The following NBAS variants were observed in gnomAD, a reference collection of about 807,000 sequenced individuals.
NBAS encodes the protein NAG/BC035112 fusion.
A neutral mutation model predicts 302.5 loss-of-function variants in NBAS; 219 were observed. The ratio of observed to expected loss-of-function variants is 0.72; its 90% CI spans 0.65 to 0.81. NBAS has a LOEUF of 0.81. NBAS is among the 30% of genes least tolerant of loss of function. NBAS has a pLI of 0.00. For synonymous variants in NBAS, 1,118 were observed against 1,021.6 expected, an observed-to-expected ratio of 1.09 and a Z score of -1.80; for missense variants, 2,932 against 2,841.6, an observed-to-expected ratio of 1.03 and a Z score of -0.72.
the NBAS span, among the ~76,000 whole-genome samples, chr2:14,783,374 G>C: frequency 6.6e-6 from 1 of 151,422 alleles, no homozygotes; most frequent in Non-Finnish European, 1.5e-5. Flanking sequence ...CAATGTGCAG[G>C]TTAGTTACAT....
chr2:15,445,113 T>A (rs1678654911), intron 21 of NBAS, among the ~76,000 whole-genome samples: 1 of 151,704 alleles, frequency 6.6e-6, no homozygotes, highest in Non-Finnish European at 1.5e-5. Context: ...CTCAGGGATC[T>A]AGAACTAGAA....
At chr2:15,087,559 TA>T in the NBAS span, among the ~76,000 whole-genome samples, 1 of 152,114 alleles carries the variant, frequency 6.6e-6, no homozygotes, top group South Asian at 2.1e-4. Flanking sequence ...AGAAAAATAG[TA>T]AATGTTCTCA....
the NBAS span, among the ~76,000 whole-genome samples, chr2:15,102,977 G>GGAAGGAAGGAAGGAAGGA: frequency 1.0e-5 from 1 of 95,434 alleles, no homozygotes; most frequent in South Asian, 4.3e-4. Flanking sequence ...AGGCATTAAG[G>GGAAGGAAGGAAGGAAGGA]AGGAAGGAAG....
chr2:15,319,255 A>T (rs1300419946), intron 38 of NBAS, among the ~76,000 whole-genome samples: 1 of 152,186 alleles, frequency 6.6e-6, no homozygotes, highest in East Asian at 1.9e-4. Flanking sequence ...AGCAGTGTGT[A>T]GAGGGAACTT....
chr2:15,206,901 A>C (rs1666173096), intron 48 of NBAS, among the ~76,000 whole-genome samples: 1 of 152,120 alleles, frequency 6.6e-6, no homozygotes, highest in South Asian at 2.1e-4. Flanking sequence ...CTCATGGAGA[A>C]CCTCTACTAG....
In NBAS at chr2:15,519,892, T is replaced by C. The variant is rs569000242; in HGVS notation, c.747-8542A>G. 5.3e-5 allele frequency among the ~76,000 whole-genome samples: 8 copies of C among 152,348 alleles called. No individual in the cohort carries two copies. The South Asian group carries it at 1.4e-3, about 28-fold the overall frequency. On this transcript the variant is annotated intron_variant, in intron 9 of 51. Coordinates refer to ENST00000281513, the MANE Select transcript of NBAS (RefSeq NM_015909.4). ...TTACTATAGGTCAAATTATGAAGCA[T>C]CAGACTATTTAGTCAACATGTGCTT...
intron 51 of NBAS, among the ~76,000 whole-genome samples, chr2:15,168,441 C>T (rs769934479): frequency 3.3e-5 from 5 of 152,152 alleles, no homozygotes; most frequent in Non-Finnish European, 5.9e-5. Context: ...TAGCGTGAAT[C>T]TTTCCTACTA....
At chr2:15,011,619 G>A in the NBAS span, among the ~76,000 whole-genome samples, 1 of 151,958 alleles carries the variant, frequency 6.6e-6, no homozygotes, top group African/African-American at 2.4e-5. Flanking sequence ...GTGCACCCAT[G>A]CCCCCAGCCA....
At chr2:15,490,413 C>A (rs1215850823) in intron 11 of NBAS, among the ~76,000 whole-genome samples, 1 of 152,074 alleles carries the variant, frequency 6.6e-6, no homozygotes, top group East Asian at 1.9e-4. Context: ...GATTGAAATA[C>A]AAATGCTTGA....
At chr2:15,430,251 A>G (rs896064941) in intron 21 of NBAS, among the ~76,000 whole-genome samples, 2 of 152,210 alleles carry the variant, frequency 1.3e-5, no homozygotes, top group Non-Finnish European at 2.9e-5. Context: ...CAGAAATAAG[A>G]AAACAGATAT....
chr2:15,285,897 T>G (rs1245299667), intron 42 of NBAS, among the ~76,000 whole-genome samples: 1 of 152,140 alleles, frequency 6.6e-6, no homozygotes, highest in Non-Finnish European at 1.5e-5. Flanking sequence ...TTAAGTGATC[T>G]ACCTATCACA....
the NBAS span, among the ~76,000 whole-genome samples, chr2:15,093,764 T>C: frequency 2.6e-5 from 4 of 152,212 alleles, no homozygotes; most frequent in East Asian, 5.8e-4. Context: ...GAAACAATAA[T>C]TAAAGACATA....
At chr2:15,231,062 G>T (rs1480704174) in intron 47 of NBAS, among the ~76,000 whole-genome samples, 1 of 152,212 alleles carries the variant, frequency 6.6e-6, no homozygotes, top group Non-Finnish European at 1.5e-5. Flanking sequence ...TATGGCTACA[G>T]GCCAGATCGT....
chr2:14,857,958 G>A, the NBAS span, among the ~76,000 whole-genome samples: 1 of 152,054 alleles, frequency 6.6e-6, no homozygotes, highest in African/African-American at 2.4e-5. Context: ...TATATAAGGA[G>A]CTCAAACAAC....
At chr2:15,024,665 A>G in the NBAS span, among the ~76,000 whole-genome samples, 1 of 152,062 alleles carries the variant, frequency 6.6e-6, no homozygotes, top group Non-Finnish European at 1.5e-5. Flanking sequence ...CCATTTTTTG[A>G]CTGGTGTGAG....
chr2:15,119,907 G>T, the NBAS span, among the ~76,000 whole-genome samples: 7 of 152,296 alleles, frequency 4.6e-5, no homozygotes, highest in African/African-American at 1.7e-4. Flanking sequence ...AGATGAGGAA[G>T]CCCTCACAAG....
At chr2:15,159,525 C>T in the NBAS span, among the ~76,000 whole-genome samples, 2 of 151,626 alleles carry the variant, frequency 1.3e-5, no homozygotes. Context: ...AGAAGAAATA[C>T]TGTATGATTC....
the NBAS span, among the ~76,000 whole-genome samples, chr2:14,869,750 C>T: frequency 6.6e-6 from 1 of 152,134 alleles, no homozygotes. Context: ...TGCCCTTATC[C>T]ATTTACCACC....
At chr2:14,830,359 G>T in the NBAS span, among the ~76,000 whole-genome samples, 94 of 152,206 alleles carry the variant, frequency 6.2e-4, no homozygotes, top group Non-Finnish European at 1.1e-3. Flanking sequence ...CACTTAAACA[G>T]ATCAGGGATG....
Sources: gnomAD v4.1 joint callset for allele counts (sites outside exome capture counted in the v4.1 genomes callset) on GRCh38, gnomAD v4.1.1 for gene constraint, MANE v1.5 for transcripts, NCBI Gene and HGNC (gene_info 2026-07-23, HGNC 2026-07-21) for gene names.